The following KCNMB2 variants were observed in gnomAD, a reference collection of about 807,000 sequenced individuals.
KCNMB2 encodes the protein potassium calcium-activated channel subfamily M regulatory beta subunit 2.
In KCNMB2, 9 loss-of-function variants were observed where a neutral mutation model predicts 24.5. The observed-to-expected ratio is 0.37, with a 90% CI of 0.22 to 0.64. The LOEUF (loss-of-function observed/expected upper bound fraction) is 0.64, where lower values mean the gene tolerates loss of function less well. KCNMB2 is among the 30% of genes least tolerant of loss of function. KCNMB2 has a pLI of 0.63. For synonymous variants in KCNMB2, 109 were observed against 104.4 expected (o/e 1.04, Z -0.27); for missense variants, 226 against 284.3 (o/e 0.79, Z 1.47).
intron 3 of KCNMB2, 143 bp from the exon 4 acceptor site, chr3:178,828,035 G>C (rs749773921): frequency 4.7e-6 from 3 of 643,954 alleles, no homozygotes; most frequent in African/African-American, 1.8e-5. Context: ...CTATTCGAAG[G>C]CCTAAACTTT....
intron 1 of KCNMB2, among the ~76,000 whole-genome samples, chr3:178,786,483 G>T (rs115075096): frequency 0.012 from 1,869 of 152,248 alleles, 39 homozygotes; most frequent in African/African-American, 0.043. Flanking sequence ...AACACCATAA[G>T]AAGTTTTGTG....
chr3:178,729,078 A>C (rs1723058629), intron 1 of KCNMB2, among the ~76,000 whole-genome samples: 1 of 152,190 alleles, frequency 6.6e-6, no homozygotes, highest in Non-Finnish European at 1.5e-5. Flanking sequence ...ATACCAGGTT[A>C]GAAAATCTTC....
intron 1 of KCNMB2, among the ~76,000 whole-genome samples, chr3:178,680,831 T>G (rs1321031388): frequency 2.0e-5 from 3 of 152,186 alleles, no homozygotes; most frequent in Admixed American, 2.0e-4. Flanking sequence ...TAAAGACTAG[T>G]AGAATATGAC....
At chr3:178,783,082 G>T (rs1034026290) in intron 1 of KCNMB2, among the ~76,000 whole-genome samples, 5 of 150,924 alleles carry the variant, frequency 3.3e-5, no homozygotes, top group Non-Finnish European at 5.9e-5. Flanking sequence ...TCTCAGGTTT[G>T]TCAAAGATCA....
At chr3:178,593,005 CT>C (rs34457670) in intron 1 of KCNMB2, among the ~76,000 whole-genome samples, 2 of 151,910 alleles carry the variant, frequency 1.3e-5, no homozygotes, top group Non-Finnish European at 2.9e-5. Context: ...CCCTCAATTT[CT>C]TTTTTTAAAA....
chr3:178,619,486 C>T (rs1006023605), intron 1 of KCNMB2, among the ~76,000 whole-genome samples: 33 of 152,040 alleles, frequency 2.2e-4, no homozygotes, highest in African/African-American at 7.7e-4. Context: ...GATTAAAATG[C>T]TCTTGGACTT....
chr3:178,627,535 C>T (rs1212265455), intron 1 of KCNMB2, among the ~76,000 whole-genome samples: 1 of 152,184 alleles, frequency 6.6e-6, no homozygotes, highest in Non-Finnish European at 1.5e-5. Flanking sequence ...TGACTCATTT[C>T]ACTTTCATAA....
chr3:178,644,158 C>G (rs1301725901), intron 1 of KCNMB2, among the ~76,000 whole-genome samples: 1 of 152,164 alleles, frequency 6.6e-6, no homozygotes, highest in Non-Finnish European at 1.5e-5. Context: ...ACCAGAATGC[C>G]TAAATCAGGG....
chr3:178,769,355 G>A (rs1364085104), intron 1 of KCNMB2, among the ~76,000 whole-genome samples: 1 of 152,124 alleles, frequency 6.6e-6, no homozygotes, highest in Non-Finnish European at 1.5e-5. Context: ...TCTTGCACCA[G>A]GACAGGGTAA....
intron 1 of KCNMB2, among the ~76,000 whole-genome samples, chr3:178,751,023 C>A (rs73051656): frequency 0.028 from 4,235 of 152,224 alleles, 214 homozygotes; most frequent in African/African-American, 0.096. Flanking sequence ...CCTAGAAACC[C>A]AGGATAGTTT....
rs553043482 is a variant in KCNMB2 at position 178,601,917 on chromosome 3, G to A, written c.-68+65206G>A. On this transcript the variant is annotated intron_variant, in intron 1 of 4. Coordinates refer to ENST00000452583, the MANE Select transcript of KCNMB2 (RefSeq NM_181361.3). ...GCCAGGAATTGTCTGACCATTTTGAGGAGCCTTGGCAAAGAATTGGAAGAG... is the reference window on the plus strand; with the variant it reads ...GCCAGGAATTGTCTGACCATTTTGAAGAGCCTTGGCAAAGAATTGGAAGAG... Among the ~76,000 whole-genome samples the A allele has an allele frequency of 2.6e-5, 4 of 152,302 alleles. No homozygotes were observed. In the South Asian group the frequency reaches 6.2e-4, roughly 24 times the overall value.
chr3:178,711,296 C>T (rs1293464929), intron 1 of KCNMB2, among the ~76,000 whole-genome samples: 1 of 152,146 alleles, frequency 6.6e-6, no homozygotes, highest in African/African-American at 2.4e-5. Flanking sequence ...TTAAATATCA[C>T]AGTACAAGTA....
intron 4 of KCNMB2, among the ~76,000 whole-genome samples, chr3:178,837,474 C>T (rs1228018675): frequency 6.6e-6 from 1 of 152,072 alleles, no homozygotes; most frequent in Non-Finnish European, 1.5e-5. Context: ...TTCATGATCA[C>T]CAAAGGACTT....
chr3:178,724,579 A>C (rs1171964698), intron 1 of KCNMB2, among the ~76,000 whole-genome samples: 1 of 152,084 alleles, frequency 6.6e-6, no homozygotes. Flanking sequence ...TTCTTTGCCT[A>C]GGCCAATGTC....
chr3:178,780,054 A>T (rs76045483), intron 1 of KCNMB2, among the ~76,000 whole-genome samples: 781 of 47,750 alleles, frequency 0.016, 1 homozygote, highest in South Asian at 0.057. Context: ...TGTTTTTTTT[A>T]AAAAAAAAAA....
chr3:178,771,536 C>T (rs528577432), intron 1 of KCNMB2, among the ~76,000 whole-genome samples: 3 of 121,796 alleles, frequency 2.5e-5, no homozygotes, highest in African/African-American at 9.7e-5. Flanking sequence ...GGCGGGAGTA[C>T]GGTGGTACAA....
chr3:178,634,393 C>A (rs187573487), intron 1 of KCNMB2, among the ~76,000 whole-genome samples: 216 of 152,198 alleles, frequency 1.4e-3, no homozygotes, highest in Admixed American at 4.1e-3. Flanking sequence ...CCAGGGAGGC[C>A]TCAGGAAACT....
intron 1 of KCNMB2, among the ~76,000 whole-genome samples, chr3:178,753,042 A>T (rs373499441): frequency 6.6e-6 from 1 of 152,154 alleles, no homozygotes; most frequent in Non-Finnish European, 1.5e-5. Context: ...CTTGCATTTT[A>T]TACTAGGTTT....
At chr3:178,682,710 G>T (rs1433782221) in intron 1 of KCNMB2, among the ~76,000 whole-genome samples, 4 of 151,686 alleles carry the variant, frequency 2.6e-5, no homozygotes, top group Non-Finnish European at 2.9e-5. Context: ...CAAAAGATAA[G>T]AACAGACACT....
Sources: gnomAD v4.1 joint callset for allele counts (sites outside exome capture counted in the v4.1 genomes callset) on GRCh38, gnomAD v4.1.1 for gene constraint, MANE v1.5 for transcripts, NCBI Gene and HGNC (gene_info 2026-07-23, HGNC 2026-07-21) for gene names.